The following CSMD1 variants were observed in gnomAD, a reference collection of about 807,000 sequenced individuals.
The protein encoded by CSMD1 is CUB and sushi domain-containing protein 1.
CSMD1 carries 213 observed loss-of-function variants against 417.5 expected under a neutral mutation model. That is an observed-to-expected ratio of 0.51 (90% confidence interval 0.46 to 0.57). The LOEUF is 0.57. CSMD1 is among the 20% of genes least tolerant of loss of function. The pLI is 0.00. For synonymous variants in CSMD1, 2,862 were observed against 1,736.8 expected (o/e 1.65, Z -16.11); for missense variants, 6,923 against 4,529.7 (o/e 1.53, Z -15.17).
chr8:3,772,199 CA>C (rs1798613477), intron 5 of CSMD1, among the ~76,000 whole-genome samples: 19 of 113,656 alleles, frequency 1.7e-4, no homozygotes, highest in Admixed American at 1.1e-3. Flanking sequence ...TACACACACA[CA>C]CACACACACA....
chr8:3,360,331 G>C (rs746046256), intron 20 of CSMD1, among the ~76,000 whole-genome samples: 35 of 152,352 alleles, frequency 2.3e-4, no homozygotes, highest in Non-Finnish European at 2.9e-5. Context: ...TTCTGTGTTT[G>C]CCACGTTCTT....
chr8:3,182,544 C>T (rs1396146106), intron 36 of CSMD1, among the ~76,000 whole-genome samples: 1 of 150,722 alleles, frequency 6.6e-6, no homozygotes. Context: ...CCAATAACCC[C>T]AGGCAAGGAC....
At chr8:3,354,903 C>CATA in intron 21 of CSMD1, among the ~76,000 whole-genome samples, 1 of 142,812 alleles carries the variant, frequency 7.0e-6, no homozygotes. Context: ...ATCTATAGAT[C>CATA]TATCTATAGA....
chr8:4,696,330 CTTAGA>C (rs896775575), intron 1 of CSMD1, among the ~76,000 whole-genome samples: 10 of 152,190 alleles, frequency 6.6e-5, no homozygotes, highest in South Asian at 4.1e-4. Flanking sequence ...TTCAAAGACT[CTTAGA>C]TTATTGTTTA....
rs375456401 is a variant in CSMD1, at chr8:3,829,018, C to T, written c.819-74976G>A. Among the ~76,000 whole-genome samples, 347 of 150,670 alleles carry T rather than the reference C, an allele frequency of 2.3e-3. 2 individuals are homozygous for T. Among genetic ancestry groups the T allele is most frequent in the African/African-American group, 6.6e-3 (271 of 41,078 alleles). On this transcript the variant is annotated intron_variant, in intron 5 of 69. Transcript: ENST00000635120. ...GTTTCCTCTGTCTACAATCACCTTT[C>T]TTTTTTTTTAAAAAAATGTATTTTT...
In CSMD1 at chr8:3,399,098, G is replaced by C. The variant is rs573580000; in HGVS notation, c.2405+293C>G. On this transcript the variant is annotated intron_variant, in intron 16 of 69. Transcript: ENST00000635120. ...GTGCAATCAGACATCAAGCTGAATTGATTCCAGTGCAGGTCCCAAACCCAG... is the reference window on the plus strand; with the variant it reads ...GTGCAATCAGACATCAAGCTGAATTCATTCCAGTGCAGGTCCCAAACCCAG... Among the ~76,000 whole-genome samples the C allele has an allele frequency of 1.7e-4, 26 of 152,178 alleles. No individual in the cohort carries two copies. In the South Asian group the frequency reaches 4.6e-3, roughly 27 times the overall value.
chr8:3,335,325 A>G (rs1044185446), intron 23 of CSMD1, among the ~76,000 whole-genome samples: 5 of 152,148 alleles, frequency 3.3e-5, no homozygotes, highest in African/African-American at 1.2e-4. Flanking sequence ...TTTCCCCTCC[A>G]TCACACACAG....
At chr8:4,308,181 T>C (rs955549982) in intron 3 of CSMD1, among the ~76,000 whole-genome samples, 2 of 152,130 alleles carry the variant, frequency 1.3e-5, no homozygotes, top group Non-Finnish European at 2.9e-5. Context: ...AATATCTCTG[T>C]GAGTTAGGAG....
chr8:3,917,119 A>C (rs1808883103), intron 5 of CSMD1, among the ~76,000 whole-genome samples: 2 of 152,196 alleles, frequency 1.3e-5, no homozygotes, highest in Non-Finnish European at 1.5e-5. Context: ...TTGTCATAAA[A>C]GATAGTCTAA....
intron 41 of CSMD1, among the ~76,000 whole-genome samples, chr8:3,131,319 T>C (rs932787816): frequency 6.6e-6 from 1 of 150,602 alleles, no homozygotes; most frequent in Non-Finnish European, 1.5e-5. Flanking sequence ...AATGTGCACA[T>C]GTACCCTAAA....
chr8:3,138,692 G>C (rs142026755), intron 41 of CSMD1, among the ~76,000 whole-genome samples: 1 of 152,330 alleles, frequency 6.6e-6, no homozygotes, highest in African/African-American at 2.4e-5. Context: ...TGCTACACGT[G>C]CAAGAGCTCT....
intron 3 of CSMD1, among the ~76,000 whole-genome samples, chr8:4,203,266 G>T (rs1258103471): frequency 6.6e-6 from 1 of 152,140 alleles, no homozygotes; most frequent in Non-Finnish European, 1.5e-5. Flanking sequence ...GCAGAAGACT[G>T]CCCTGACTCC....
chr8:3,295,452 A>G (rs1803895688), intron 25 of CSMD1, among the ~76,000 whole-genome samples: 1 of 152,140 alleles, frequency 6.6e-6, no homozygotes, highest in African/African-American at 2.4e-5. Context: ...CTATTATGGG[A>G]GAGACCGTTA....
intron 1 of CSMD1, among the ~76,000 whole-genome samples, chr8:4,679,645 T>G (rs1262706179): frequency 6.6e-6 from 1 of 152,190 alleles, no homozygotes; most frequent in Admixed American, 6.5e-5. Flanking sequence ...GATAATATCT[T>G]ACTAGGAAGT....
chr8:3,192,568 T>A (rs994482802), intron 33 of CSMD1, among the ~76,000 whole-genome samples: 5 of 152,186 alleles, frequency 3.3e-5, no homozygotes, highest in Admixed American at 2.6e-4. Context: ...ACGAGCCAGA[T>A]GGATTTATGT....
intron 2 of CSMD1, among the ~76,000 whole-genome samples, chr8:4,427,884 T>A (rs1472984109): frequency 6.6e-6 from 1 of 152,168 alleles, no homozygotes; most frequent in African/African-American, 2.4e-5. Context: ...GATCACTACT[T>A]AATATAATGT....
Position 3,469,636 on chromosome 8 carries a change from C to G in CSMD1, c.1449-812G>C, listed in dbSNP as rs552393387. On this transcript the variant is annotated intron_variant, in intron 11 of 69. Coordinates refer to ENST00000635120, the MANE Select transcript of CSMD1 (RefSeq NM_033225.6). ...ATCAATTCAACCAAAACAAATGTCC[C>G]TAATCAAATAGGAAGCTTGACTTTC... 1.4e-4 allele frequency among the ~76,000 whole-genome samples: 22 copies of G among 152,224 alleles called. No homozygotes were observed. In the South Asian group the frequency reaches 2.9e-3, roughly 20 times the overall value.
chr8:3,184,419 G>C (rs547266926), intron 36 of CSMD1, among the ~76,000 whole-genome samples: 2 of 152,106 alleles, frequency 1.3e-5, no homozygotes, highest in Non-Finnish European at 2.9e-5. Context: ...AATCCTTAAA[G>C]GCAATGAGCA....
intron 1 of CSMD1, among the ~76,000 whole-genome samples, chr8:4,884,808 C>A (rs1277753494): frequency 6.6e-6 from 1 of 152,046 alleles, no homozygotes; most frequent in Non-Finnish European, 1.5e-5. Flanking sequence ...AGTTCTCTAA[C>A]TTTATTCCCC....
Sources: allele counts gnomAD v4.1 joint callset (sites outside exome capture counted in the v4.1 genomes callset), GRCh38; gene constraint gnomAD v4.1.1; transcripts MANE v1.5; gene names NCBI Gene and HGNC (gene_info 2026-07-23, HGNC 2026-07-21).